The following PKD1L1 variants were observed in gnomAD, a reference collection of about 807,000 sequenced individuals.
PKD1L1 encodes the protein polycystin-1-like protein 1.
In PKD1L1, 236 loss-of-function variants were observed where a neutral mutation model predicts 323.4. The observed-to-expected ratio is 0.73, with a 90% CI of 0.66 to 0.81. The LOEUF is 0.81. Ranked by LOEUF, PKD1L1 falls within the 40% of genes least tolerant of loss-of-function variation. PKD1L1 has a pLI of 0.00. For synonymous variants in PKD1L1, 1,344 were observed against 1,335.0 expected (o/e 1.01, Z -0.15); for missense variants, 3,320 against 3,508.0 (o/e 0.95, Z 1.35).
chr7:47,899,699 G>A (rs1186874243), intron 13 of PKD1L1, among the ~76,000 whole-genome samples: 1 of 152,150 alleles, frequency 6.6e-6, no homozygotes, highest in African/African-American at 2.4e-5. Flanking sequence ...ACGCAAGCCT[G>A]TAATCCCAGC....
chr7:47,851,662 G>T (rs923896270), intron 31 of PKD1L1, among the ~76,000 whole-genome samples: 2 of 152,140 alleles, frequency 1.3e-5, no homozygotes, highest in African/African-American at 4.8e-5. Flanking sequence ...GGGGAAAATG[G>T]AGAGATTGGA....
In PKD1L1 at chr7:47,940,232, C is replaced by T. The variant is rs1422056030; in HGVS notation, c.246G>A (p.Arg82=). Residue 82 remains arginine, a synonymous_variant, in exon 3 of 57, where the codon CGG becomes CGA. Coordinates refer to ENST00000289672, the MANE Select transcript of PKD1L1 (RefSeq NM_138295.5). ...CTGATGAGGATGGGCTCTGTGATTC[C>T]CGGTCTTCTGCCTTTCCATTCAGAG... ...WCALNGKAED[R]ESQSPSSSAS... is the part of the protein sequence containing the mutation. 2.5e-6 allele frequency: 4 copies of T among 1,614,142 alleles called. No individual in the cohort carries two copies. The South Asian group carries it at 3.3e-5, about 13-fold the overall frequency.
chr7:47,938,734 C>G (rs1215548525), intron 3 of PKD1L1, among the ~76,000 whole-genome samples: 3 of 152,142 alleles, frequency 2.0e-5, no homozygotes, highest in Admixed American at 1.3e-4. Context: ...ACATGATGGT[C>G]AAATCCTAAA....
chr7:47,893,756 C>G, intron 15 of PKD1L1, 122 bp downstream of exon 15: 2 of 1,046,886 alleles, frequency 1.9e-6, no homozygotes, highest in South Asian at 3.3e-5. Context: ...AGCAGTTAAA[C>G]TTAACGAAAG....
intron 4 of PKD1L1, 35 bp from the exon 5 acceptor site, chr7:47,932,091 AC>A: frequency 6.3e-7 from 1 of 1,578,076 alleles, no homozygotes. Flanking sequence ...AGAAAAGGAA[AC>A]CCGGTCATGT....
At chr7:47,809,636 A>T in intron 50 of PKD1L1, 59 bp from the exon 51 acceptor site, 1 of 1,333,050 alleles carries the variant, frequency 7.5e-7, no homozygotes, top group East Asian at 2.6e-5. Flanking sequence ...TTGTTTTTTG[A>T]AGGTCTAAAC....
chr7:47,953,343 G>A (rs1011751369), upstream of PKD1L1, among the ~76,000 whole-genome samples: 1 of 152,078 alleles, frequency 6.6e-6, no homozygotes, highest in East Asian at 1.9e-4. Context: ...TTTCCATCAA[G>A]GTGTCCTTTC....
intron 45 of PKD1L1, among the ~76,000 whole-genome samples, chr7:47,824,755 T>G (rs563407539): frequency 6.6e-6 from 1 of 152,304 alleles, no homozygotes; most frequent in East Asian, 1.9e-4. Context: ...CTGCAGCGAA[T>G]CCTGCAGGCC....
In PKD1L1 at chr7:47,813,169, C is replaced by G; in HGVS notation, c.7298G>C (p.Gly2433Ala). ...ENQNVTLNGP[G>A]GCGTREDCVL... ...ACAGTCCTCCCTTGTCCCACAGCCC[C>G]CAGGACCATTCAGGGTCACGTTTTG... The change falls in exon 49 of 57, where the codon GGG (glycine) becomes GCG (alanine). Residue 2433 changes from glycine (G) to alanine (A), a missense_variant. Physicochemically the swap from Gly to Ala is moderately conservative, Grantham distance 60. Coordinates refer to ENST00000289672, the MANE Select transcript of PKD1L1 (RefSeq NM_138295.5). 3.7e-6 allele frequency: 6 copies of G among 1,614,154 alleles called. No homozygotes were observed. The highest frequency in any genetic ancestry group is 5.1e-6 in the Non-Finnish European group (6 of 1,180,040).
At chr7:47,933,592 G>A (rs988842536) in intron 4 of PKD1L1, among the ~76,000 whole-genome samples, 1 of 152,028 alleles carries the variant, frequency 6.6e-6, no homozygotes, top group South Asian at 2.1e-4. Flanking sequence ...TGCCTGGGCC[G>A]CCCTGTTTGT....
At chr7:47,832,277 C>T (rs943023057) in intron 41 of PKD1L1, among the ~76,000 whole-genome samples, 2 of 152,190 alleles carry the variant, frequency 1.3e-5, no homozygotes, top group Non-Finnish European at 2.9e-5. Flanking sequence ...CCTGAGTGCT[C>T]CCTTCCAGCC....
chr7:47,809,731 T>G (rs1458848876), intron 50 of PKD1L1, 154 bp from the exon 51 acceptor site: 4 of 535,750 alleles, frequency 7.5e-6, no homozygotes, highest in Non-Finnish European at 1.3e-5. Context: ...ATCCTAAACT[T>G]GCTCTTCAGT....
intron 15 of PKD1L1, among the ~76,000 whole-genome samples, chr7:47,891,057 C>A (rs890781108): frequency 6.6e-6 from 1 of 152,188 alleles, no homozygotes; most frequent in Admixed American, 6.5e-5. Context: ...GCACAGCGAC[C>A]TCCTCTGCTC....
At chr7:47,927,286 CT>C (rs34842777) in intron 7 of PKD1L1, among the ~76,000 whole-genome samples, 11 of 148,698 alleles carry the variant, frequency 7.4e-5, no homozygotes, top group African/African-American at 7.4e-5. Flanking sequence ...GACAAATTTT[CT>C]TTTTTTTTTG....
At chr7:47,795,179 C>T (rs1784491981) in intron 55 of PKD1L1, 1 of 325,376 alleles carries the variant, frequency 3.1e-6, no homozygotes, top group South Asian at 2.3e-5. Flanking sequence ...TATTGTTTGG[C>T]TGTGTCCCTA....
intron 33 of PKD1L1, among the ~76,000 whole-genome samples, chr7:47,843,381 C>T (rs986731788): frequency 6.6e-6 from 1 of 152,170 alleles, no homozygotes; most frequent in African/African-American, 2.4e-5. Flanking sequence ...GCATGGACTC[C>T]AGAACCAAAG....
intron 56 of PKD1L1, among the ~76,000 whole-genome samples, chr7:47,783,876 T>C (rs917405607): frequency 9.2e-5 from 14 of 152,198 alleles, no homozygotes; most frequent in East Asian, 1.9e-4. Flanking sequence ...GAAATAATTG[T>C]AGTTTGCAAG....
chr7:47,931,903 G>A, intron 5 of PKD1L1, 33 bp downstream of exon 5: 1 of 1,589,840 alleles, frequency 6.3e-7, no homozygotes, highest in Non-Finnish European at 8.6e-7. Context: ...GCAGCTTTCT[G>A]ATGAAATTCA....
intron 21 of PKD1L1, among the ~76,000 whole-genome samples, chr7:47,880,253 T>G (rs1478938144): frequency 0.013 from 1,359 of 103,252 alleles, 64 homozygotes; most frequent in African/African-American, 0.058. Flanking sequence ...ATAAGATATA[T>G]ATATATATAT....
Sources: allele counts gnomAD v4.1 joint callset (sites outside exome capture counted in the v4.1 genomes callset), GRCh38; gene constraint gnomAD v4.1.1; transcripts MANE v1.5; gene names NCBI Gene and HGNC (gene_info 2026-07-23, HGNC 2026-07-21).